The following C14orf132 variants were observed in gnomAD, a reference collection of about 807,000 sequenced individuals.
C14orf132 encodes uncharacterized protein C14orf132.
In C14orf132, 6 loss-of-function variants were observed where a neutral mutation model predicts 5.8. That is an observed-to-expected ratio of 1.03 (90% CI 0.57 to 2.04). The LOEUF (loss-of-function observed/expected upper bound fraction) is 2.04, where lower values mean the gene tolerates loss of function less well. Ranked by LOEUF, C14orf132 falls within the 30% of genes most tolerant of loss-of-function variation. The pLI is 0.00. For missense variants in C14orf132, 125 were observed against 115.8 expected (o/e 1.08, Z -0.37); for synonymous variants, 51 against 49.8 (o/e 1.02, Z -0.10).
chr14:96,070,245 G>GGTAA (rs1257642168), intron 1 of C14orf132, among the ~76,000 whole-genome samples: 2 of 152,170 alleles, frequency 1.3e-5, no homozygotes, highest in African/African-American at 2.4e-5. Context: ...TAGGTGCCTA[G>GGTAA]AGTCCTACGT....
chr14:96,042,365 C>A (rs1021358133), intron 1 of C14orf132, among the ~76,000 whole-genome samples: 1 of 152,156 alleles, frequency 6.6e-6, no homozygotes, highest in Non-Finnish European at 1.5e-5. Flanking sequence ...AGTTATTGAG[C>A]AGGAGAATGG....
At chr14:96,054,158 T>TC (rs564517739) in intron 1 of C14orf132, among the ~76,000 whole-genome samples, 7 of 152,246 alleles carry the variant, frequency 4.6e-5, no homozygotes, top group Admixed American at 4.6e-4. Context: ...CCAGAATCCC[T>TC]CCCCATCATC....
chr14:96,071,129 T>G (rs1213102813), intron 1 of C14orf132, among the ~76,000 whole-genome samples: 7 of 152,134 alleles, frequency 4.6e-5, no homozygotes, highest in African/African-American at 1.7e-4. Flanking sequence ...TGGGGAGGCC[T>G]CAGGAAACTT....
At chr14:96,047,019 T>C (rs1465567401) in intron 1 of C14orf132, among the ~76,000 whole-genome samples, 3 of 152,216 alleles carry the variant, frequency 2.0e-5, no homozygotes, top group Non-Finnish European at 2.9e-5. Flanking sequence ...AGTCTGGCAG[T>C]CTGCTTCTTA....
chr14:96,090,422 AG>A lies in C14orf132; in HGVS notation c.*3688del. On this transcript the variant is annotated 3_prime_UTR_variant, in exon 2 of 2. Coordinates refer to ENST00000555004, the MANE Select transcript of C14orf132 (RefSeq NM_001252507.3). ...AAAAAAAAAGAAAAGAAAAAAAAAA[AG>A]AGCAACTTACTGCTTTGTGAGGTTG... 7.3e-6 allele frequency: 2 copies of A among 275,356 alleles called. No homozygotes were observed. Among genetic ancestry groups the A allele is most frequent in the Non-Finnish European group, 7.1e-6 (1 of 140,778 alleles). 17.1% of individuals were successfully genotyped at this position (275,356 alleles called of 1,614,324 possible). A position where few individuals can be genotyped will look rare whatever the true frequency, so the allele number is the denominator to read the frequency against.
Position 96,089,444 on chromosome 14 carries a change from T to G in C14orf132, c.*2709T>G, listed in dbSNP as rs928094008. On this transcript the variant is annotated 3_prime_UTR_variant, in exon 2 of 2. Transcript: ENST00000555004. ...TGAGCTAGGATTTGAATCTGGGAAG[T>G]TGGGCTCTAGAGCCAGACTGTACTG... is the stretch of plus-strand genomic sequence containing the variant. 7 of 152,340 alleles carry G rather than the reference T, an allele frequency of 4.6e-5. No individual in the cohort carries two copies. The highest frequency in any genetic ancestry group is 1.0e-4 in the Non-Finnish European group (7 of 68,130). 9.4% of individuals were successfully genotyped at this position (152,340 alleles called of 1,614,324 possible). A position where few individuals can be genotyped will look rare whatever the true frequency, so the allele number is the denominator to read the frequency against.
chr14:96,078,662 A>T (rs79806232), intron 1 of C14orf132, among the ~76,000 whole-genome samples: 33,409 of 152,080 alleles, frequency 0.22, 4,013 homozygotes, highest in Non-Finnish European at 0.27. Context: ...GATCCAGCAA[A>T]AGAAGTGGCC....
chr14:96,049,600 GTA>G lies in C14orf132; in HGVS notation c.27+10082_27+10083del, dbSNP rs201789843. Among the ~76,000 whole-genome samples, 50 of 108,126 alleles carry G rather than the reference GTA, an allele frequency of 4.6e-4. 2 individuals carry two copies. The South Asian group carries it at 6.3e-3, about 14-fold the overall frequency. The allele number at this position is 108,126 out of a possible 152,430, so 70.9% of individuals were successfully genotyped here. ...TATACGTATATATATACATATATAC[GTA>G]TATATATACATATATACGTATATAT... On this transcript the variant is annotated intron_variant, in intron 1 of 1. Coordinates refer to ENST00000555004, the MANE Select transcript of C14orf132 (RefSeq NM_001252507.3).
At chr14:96,064,425 TAC>T (rs1213812505) in intron 1 of C14orf132, among the ~76,000 whole-genome samples, 1 of 150,356 alleles carries the variant, frequency 6.7e-6, no homozygotes, top group Non-Finnish European at 1.5e-5. Flanking sequence ...TACACATATA[TAC>T]ACATATATAT....
chr14:96,050,429 G>A (rs1346814447), intron 1 of C14orf132, among the ~76,000 whole-genome samples: 1 of 152,140 alleles, frequency 6.6e-6, no homozygotes, highest in East Asian at 1.9e-4. Context: ...GATGGAAACA[G>A]GCACTATTTC....
chr14:96,039,456 G>A lies in C14orf132; in HGVS notation c.-45G>A. 1 of 1,477,876 alleles carries A rather than the reference G, an allele frequency of 6.8e-7. No individual in the cohort carries two copies. Among genetic ancestry groups the A allele is most frequent in the Non-Finnish European group, 9.0e-7 (1 of 1,114,132 alleles). The allele number at this position is 1,477,876 out of a possible 1,614,324, so 91.5% of individuals were successfully genotyped here. On this transcript the variant is annotated 5_prime_UTR_variant, in exon 1 of 2. Transcript: ENST00000555004. This position sits in a 1 kb window ranked among gnomAD's most constrained non-coding sequence, Gnocchi z 5.3. ...ACTGTGCAGGCGGCTGACCCGCAGC[G>A]GCAGCGGCAGCAGCGAGGACTCGAG...
chr14:96,068,772 C>T (rs963929023), intron 1 of C14orf132, among the ~76,000 whole-genome samples: 6 of 152,060 alleles, frequency 3.9e-5, no homozygotes, highest in South Asian at 2.1e-4. Context: ...ACCAGAGGAC[C>T]GTGATGGTTC....
chr14:96,086,291 A>G (rs539399219), intron 1 of C14orf132, among the ~76,000 whole-genome samples: 1 of 152,290 alleles, frequency 6.6e-6, no homozygotes, highest in East Asian at 1.9e-4. Flanking sequence ...CTTTCATAGT[A>G]GCGTGGGCAT....
chr14:96,065,893 A>G (rs151146471), intron 1 of C14orf132, among the ~76,000 whole-genome samples: 2 of 152,294 alleles, frequency 1.3e-5, no homozygotes, highest in African/African-American at 4.8e-5. Context: ...GGGGTAGAAT[A>G]AATACTAATT....
At position 96,091,455 on chromosome 14, in the gene C14orf132, T is replaced by C. The variant is rs113478568; in HGVS notation, c.*4720T>C. 0.027 allele frequency: 5,157 copies of C among 188,622 alleles called. 113 individuals are homozygous for C. The highest frequency in any genetic ancestry group is 0.04 in the Non-Finnish European group (3,592 of 90,720). 11.7% of individuals were successfully genotyped at this position (188,622 alleles called of 1,614,324 possible). On this transcript the variant is annotated 3_prime_UTR_variant, in exon 2 of 2. Transcript: ENST00000555004. ...GAGAGCTGACAAGTGTCTGGGCTCC[T>C]GGCCCAGGGGTCCGTGGTCCAGCAC...
rs1007841275 is a variant in C14orf132 at position 96,055,959 on chromosome 14, T to C, written c.27+16432T>C. On this transcript the variant is annotated intron_variant, in intron 1 of 1. Transcript: ENST00000555004. ...GCACCTAGGCTCTGGGACTGGGTGG[T>C]ACTTTCTAAGCTTAGCCTCAGTGTC... Among the ~76,000 whole-genome samples, 14 of 152,280 alleles carry C rather than the reference T, an allele frequency of 9.2e-5. 1 individual carries two copies. Among genetic ancestry groups the C allele is most frequent in the East Asian group, 5.8e-4 (3 of 5,178 alleles).
At chr14:96,064,205 C>T (rs1300461791) in intron 1 of C14orf132, among the ~76,000 whole-genome samples, 1 of 151,846 alleles carries the variant, frequency 6.6e-6, no homozygotes, top group Non-Finnish European at 1.5e-5. Flanking sequence ...TCCAGCAATC[C>T]CAGTACTGTG....
rs1390128617 is a variant in C14orf132 at position 96,091,038 on chromosome 14, G to A, written c.*4303G>A. 1 of 456,010 alleles carries A rather than the reference G, an allele frequency of 2.2e-6. No homozygotes were observed. The highest frequency in any genetic ancestry group is 6.9e-5 in the East Asian group (1 of 14,396). 28.2% of individuals were successfully genotyped at this position (456,010 alleles called of 1,614,324 possible). On this transcript the variant is annotated 3_prime_UTR_variant, in exon 2 of 2. Coordinates refer to ENST00000555004, the MANE Select transcript of C14orf132 (RefSeq NM_001252507.3). ...CTTCTCAAATTGCCCCTGGGGGCAG[G>A]AATGAGGATGCAGAGAGATGCACGT...
rs76039255 is a variant in C14orf132, at chr14:96,079,171, C to T, written c.28-7340C>T. Among the ~76,000 whole-genome samples the T allele has an allele frequency of 3.4e-3, 519 of 152,330 alleles. 2 individuals are homozygous for T. The highest frequency in any genetic ancestry group is 4.7e-3 in the Non-Finnish European group (322 of 68,034). ...GGATGAAACTTACAATGACAGTTCA[C>T]GAGCATGGAACACGTACAGCCGAGT... On this transcript the variant is annotated intron_variant, in intron 1 of 1. Transcript: ENST00000555004.
Sources: gnomAD v4.1 joint callset for allele counts (sites outside exome capture counted in the v4.1 genomes callset) on GRCh38, gnomAD v4.1.1 for gene constraint, Gnocchi (gnomAD v3.1) non-coding constraint, MANE v1.5 for transcripts, NCBI Gene and HGNC (gene_info 2026-07-23, HGNC 2026-07-21) for gene names.